Variants in VIPR2 observed in about 807,000 individuals in gnomAD.
VIPR2 encodes the protein vasoactive intestinal peptide receptor 2, also known as vasoactive intestinal polypeptide receptor 2.
A neutral mutation model predicts 58.0 loss-of-function variants in VIPR2; 48 were observed. That is an observed-to-expected ratio of 0.83 (90% CI 0.66 to 1.05). The LOEUF (loss-of-function observed/expected upper bound fraction) is 1.05, where lower values mean the gene tolerates loss of function less well. Ranked by LOEUF, VIPR2 falls within the 50% of genes least tolerant of loss-of-function variation. The pLI is 0.00. For missense variants in VIPR2, 534 were observed against 558.0 expected (o/e 0.96, Z 0.43); for synonymous variants, 243 against 235.2 (o/e 1.03, Z -0.30).
Position 159,030,472 on chromosome 7 carries a change from T to C in VIPR2, c.*144A>G, listed in dbSNP as rs1853472776. ...CTCCAATTCCAGGTATGGGGTTTAG[T>C]GGACAACCAGCTTGACGGAGTCAGG... On this transcript the variant is annotated 3_prime_UTR_variant, in exon 13 of 13. Transcript: ENST00000262178. 3 of 999,464 alleles carry C rather than the reference T, an allele frequency of 3.0e-6. No individual in the cohort carries two copies. The South Asian group carries it at 5.9e-5, about 20-fold the overall frequency. The allele number at this position is 999,464 out of a possible 1,614,324, so 61.9% of individuals were successfully genotyped here.
chr7:159,052,308 T>C (rs1855059142), intron 5 of VIPR2, among the ~76,000 whole-genome samples: 3 of 152,174 alleles, frequency 2.0e-5, no homozygotes, highest in Non-Finnish European at 4.4e-5. Context: ...AAAATATTGA[T>C]GAAATGGACA....
rs6954099 is a variant in VIPR2 at position 159,127,494 on chromosome 7, A to G, written c.151+14952T>C. On this transcript the variant is annotated intron_variant, in intron 2 of 12. Transcript: ENST00000262178. The surrounding 1 kb of genome is among the most constrained non-coding windows in gnomAD (Gnocchi z 4.6). ...GAATTTTTAAGAATGTGCTGAATCC[A>G]AAACAACCCAAACATCCAAGTATGC... Among the ~76,000 whole-genome samples, 19,167 of 152,250 alleles carry G rather than the reference A, an allele frequency of 0.13. 1,568 individuals carry two copies. Among genetic ancestry groups the G allele is most frequent in the African/African-American group, 0.23 (9,531 of 41,522 alleles).
intron 4 of VIPR2, among the ~76,000 whole-genome samples, chr7:159,088,324 C>G (rs1857296382): frequency 6.6e-6 from 1 of 152,164 alleles, no homozygotes; most frequent in Non-Finnish European, 1.5e-5. Context: ...CACCTGTACA[C>G]CACAATCATG....
chr7:159,056,530 G>A (rs1228029275), intron 5 of VIPR2, among the ~76,000 whole-genome samples: 1 of 152,164 alleles, frequency 6.6e-6, no homozygotes, highest in Non-Finnish European at 1.5e-5. Flanking sequence ...CTGGGTCACA[G>A]GGGCAGCTGT....
chr7:159,132,691 G>A (rs1463246360), intron 2 of VIPR2, among the ~76,000 whole-genome samples: 20 of 150,704 alleles, frequency 1.3e-4, no homozygotes, highest in Admixed American at 5.3e-4. Flanking sequence ...ATTCACGGAC[G>A]GGCTCATTCA....
chr7:159,045,380 A>G (rs1585353438), intron 5 of VIPR2, among the ~76,000 whole-genome samples: 1 of 152,238 alleles, frequency 6.6e-6, no homozygotes, highest in East Asian at 1.9e-4. Context: ...GTGGCACTGC[A>G]TATAGATCAA....
chr7:159,136,313 G>A (rs1035114832), intron 2 of VIPR2, among the ~76,000 whole-genome samples: 3 of 115,160 alleles, frequency 2.6e-5, no homozygotes, highest in African/African-American at 8.6e-5. Context: ...TCTATTAACG[G>A]ATTAACCCAC....
chr7:159,142,295 C>T, intron 2 of VIPR2, 151 bp downstream of exon 2: 1 of 593,240 alleles, frequency 1.7e-6, no homozygotes, highest in African/African-American at 1.9e-5. Context: ...TGAGTTTTAC[C>T]AGTAGTTCAT....
rs142628658 is a variant in VIPR2, at chr7:159,140,366, G to A, written c.151+2080C>T. On this transcript the variant is annotated intron_variant, in intron 2 of 12. Coordinates refer to ENST00000262178, the MANE Select transcript of VIPR2 (RefSeq NM_003382.5). ...CAGCCTGTAGATTCCGGTTCACATC[G>A]CTGATAGCATCTTTATTCTGGTAAC... 7.7e-3 allele frequency among the ~76,000 whole-genome samples: 1,177 copies of A among 152,286 alleles called. 16 individuals are homozygous for A. Among genetic ancestry groups the A allele is most frequent in the African/African-American group, 0.027 (1,110 of 41,558 alleles).
At chr7:159,066,160 C>G (rs1489985793) in intron 4 of VIPR2, among the ~76,000 whole-genome samples, 1 of 151,170 alleles carries the variant, frequency 6.6e-6, no homozygotes, top group Non-Finnish European at 1.5e-5. Context: ...GATGCCTGCT[C>G]CCACACTGTC....
At position 159,099,904 on chromosome 7, in the gene VIPR2, C is replaced by T. The variant is rs777225045; in HGVS notation, c.357+3853G>A. On this transcript the variant is annotated intron_variant, in intron 4 of 12. Coordinates refer to ENST00000262178, the MANE Select transcript of VIPR2 (RefSeq NM_003382.5). This position sits in a 1 kb window ranked among gnomAD's most constrained non-coding sequence, Gnocchi z 4.2. ...AGCCATGGTGTGTGATGACAGAGGCCGCAATGTTCCCCCTCTCCCTGGCTG... is the reference window on the plus strand; with the variant it reads ...AGCCATGGTGTGTGATGACAGAGGCTGCAATGTTCCCCCTCTCCCTGGCTG... Among the ~76,000 whole-genome samples, 61 of 152,256 alleles carry T rather than the reference C, an allele frequency of 4.0e-4. No homozygotes were observed. The highest frequency in any genetic ancestry group is 6.9e-4 in the Non-Finnish European group (47 of 68,012).
At chr7:159,052,494 C>CAT (rs1413057157) in intron 5 of VIPR2, among the ~76,000 whole-genome samples, 1 of 152,142 alleles carries the variant, frequency 6.6e-6, no homozygotes, top group Non-Finnish European at 1.5e-5. Context: ...GAAGATATAA[C>CAT]ATCTTATCTA....
At chr7:159,042,346 G>A (rs1308808609) in intron 6 of VIPR2, among the ~76,000 whole-genome samples, 2 of 152,172 alleles carry the variant, frequency 1.3e-5, no homozygotes, top group African/African-American at 2.4e-5. Context: ...CAGCAGGGAT[G>A]TGCTTGGTAG....
At chr7:159,131,932 C>T (rs1796929332) in intron 2 of VIPR2, among the ~76,000 whole-genome samples, 2 of 135,798 alleles carry the variant, frequency 1.5e-5, no homozygotes, top group South Asian at 4.4e-4. Flanking sequence ...GCTCAACAAC[C>T]AGATGTAGCC....
intron 4 of VIPR2, among the ~76,000 whole-genome samples, chr7:159,088,782 CG>C (rs1348078730): frequency 3.9e-5 from 6 of 152,380 alleles, no homozygotes; most frequent in African/African-American, 1.4e-4. Flanking sequence ...AGCCTGGAAA[CG>C]CTGCTGGGAG....
chr7:159,039,852 G>A (rs1441360295), intron 6 of VIPR2, among the ~76,000 whole-genome samples: 6 of 152,194 alleles, frequency 3.9e-5, no homozygotes, highest in South Asian at 2.1e-4. Context: ...ACGCATGTCC[G>A]GTGATGCCTG....
chr7:159,086,745 T>G (rs1335545857), intron 4 of VIPR2, among the ~76,000 whole-genome samples: 1 of 152,232 alleles, frequency 6.6e-6, no homozygotes, highest in Non-Finnish European at 1.5e-5. Flanking sequence ...CCCAGGACCC[T>G]TGGCTCACGG....
intron 4 of VIPR2, chr7:159,059,269 A>G (rs1240963530): frequency 2.1e-6 from 1 of 467,144 alleles, no homozygotes; most frequent in Non-Finnish European, 4.4e-6. Flanking sequence ...CTGTTGCGAT[A>G]AAAACCAGCA....
At chr7:159,051,011 C>T (rs1039315369) in intron 5 of VIPR2, among the ~76,000 whole-genome samples, 3 of 152,110 alleles carry the variant, frequency 2.0e-5, no homozygotes, top group African/African-American at 7.2e-5. Flanking sequence ...TCCAAAATAG[C>T]CTCAAAAATG....
Sources: gnomAD v4.1 joint callset for allele counts (sites outside exome capture counted in the v4.1 genomes callset) on GRCh38, gnomAD v4.1.1 for gene constraint, Gnocchi (gnomAD v3.1) non-coding constraint, MANE v1.5 for transcripts, NCBI Gene and HGNC (gene_info 2026-07-23, HGNC 2026-07-21) for gene names.